CNTN3: variants seen among roughly 807,000 people sequenced by gnomAD.
CNTN3 encodes contactin-3.
A neutral mutation model predicts 119.1 loss-of-function variants in CNTN3; 60 were observed. The ratio of observed to expected loss-of-function variants is 0.50; its 90% CI spans 0.41 to 0.62. The LOEUF (loss-of-function observed/expected upper bound fraction) is 0.62, where lower values mean the gene tolerates loss of function less well. Among genes scored for constraint, CNTN3 ranks in the 20% least tolerant of loss-of-function variants. The pLI is 0.00. For missense variants in CNTN3, 1,101 were observed against 1,242.4 expected, an observed-to-expected ratio of 0.89 and a Z score of 1.71; for synonymous variants, 450 against 438.7, an observed-to-expected ratio of 1.03 and a Z score of -0.32.
rs547702051 is a variant in CNTN3, at chr3:74,570,711, G to C, written c.-81+43680C>G. On this transcript the variant is annotated intron_variant, in intron 1 of 22. Coordinates refer to ENST00000263665, the MANE Select transcript of CNTN3 (RefSeq NM_020872.3). ...CTCTTTAAAAACTAAGGATATGAGA[G>C]TCTTGGTCTCAATTTCTGAGGTCTT... is the stretch of plus-strand genomic sequence containing the variant. Among the ~76,000 whole-genome samples the C allele has an allele frequency of 2.6e-5, 4 of 152,286 alleles. No homozygotes were observed. The Middle Eastern group carries it at 0.01, about 388-fold the overall frequency.
intron 13 of CNTN3, among the ~76,000 whole-genome samples, chr3:74,321,569 A>C (rs1462807130): frequency 6.6e-6 from 1 of 152,078 alleles, no homozygotes; most frequent in Non-Finnish European, 1.5e-5. Flanking sequence ...AAAATGAATA[A>C]ACTTGAAAAC....
At chr3:74,527,543 A>G (rs1160922422) in intron 1 of CNTN3, among the ~76,000 whole-genome samples, 1 of 151,942 alleles carries the variant, frequency 6.6e-6, no homozygotes, top group Non-Finnish European at 1.5e-5. Flanking sequence ...ATGCCAGAAA[A>G]AAATTACAAA....
chr3:74,576,042 T>C (rs1259342471), intron 1 of CNTN3, among the ~76,000 whole-genome samples: 2 of 152,066 alleles, frequency 1.3e-5, no homozygotes, highest in Non-Finnish European at 2.9e-5. Context: ...TGTGGAGTGT[T>C]GGGCCCTAGG....
chr3:74,419,371 T>C lies in CNTN3; in HGVS notation c.454+5474A>G, dbSNP rs975705305. Among the ~76,000 whole-genome samples, 4 of 144,944 alleles carry C rather than the reference T, an allele frequency of 2.8e-5. No individual in the cohort carries two copies. In the Admixed American group the frequency reaches 2.8e-4, roughly 10 times the overall value. On this transcript the variant is annotated intron_variant, in intron 5 of 22. Coordinates refer to ENST00000263665, the MANE Select transcript of CNTN3 (RefSeq NM_020872.3). ...GCTAAGCTACCTGAGCTGACTTCTG[T>C]TTTTCAGTCTATCCATCTTGGGTAA...
intron 20 of CNTN3, among the ~76,000 whole-genome samples, chr3:74,275,695 A>T (rs555261672): frequency 2.0e-5 from 3 of 147,972 alleles, no homozygotes; most frequent in South Asian, 4.2e-4. Flanking sequence ...AGGACCTATA[A>T]AAAAAAAATA....
At chr3:74,470,192 G>A (rs1233290518) in intron 4 of CNTN3, among the ~76,000 whole-genome samples, 1 of 152,048 alleles carries the variant, frequency 6.6e-6, no homozygotes, top group East Asian at 1.9e-4. Flanking sequence ...GGTTTTGGGG[G>A]AAATGGAGAG....
chr3:74,502,242 G>T (rs1703178858), intron 2 of CNTN3, among the ~76,000 whole-genome samples: 3 of 152,142 alleles, frequency 2.0e-5, no homozygotes, highest in Admixed American at 2.0e-4. Context: ...TAAACCAAAA[G>T]AAGAAAGGTT....
At chr3:74,526,218 C>A (rs201539581) in intron 1 of CNTN3, among the ~76,000 whole-genome samples, 4 of 150,356 alleles carry the variant, frequency 2.7e-5, no homozygotes, top group Admixed American at 6.6e-5. Context: ...TAATCTTCAC[C>A]AAAAAAAAAC....
At chr3:74,381,739 C>T (rs1377686578) in intron 5 of CNTN3, among the ~76,000 whole-genome samples, 1 of 152,022 alleles carries the variant, frequency 6.6e-6, no homozygotes, top group Admixed American at 6.6e-5. Context: ...AAAAGTCTTT[C>T]AAAGCCTGAA....
At chr3:74,500,112 C>T (rs908886799) in intron 2 of CNTN3, among the ~76,000 whole-genome samples, 1 of 151,964 alleles carries the variant, frequency 6.6e-6, no homozygotes, top group Non-Finnish European at 1.5e-5. Flanking sequence ...TCTTTCTTGT[C>T]ATAGCCTTTT....
chr3:74,430,481 A>G (rs1247357082), intron 4 of CNTN3, among the ~76,000 whole-genome samples: 4 of 152,172 alleles, frequency 2.6e-5, no homozygotes, highest in African/African-American at 4.8e-5. Context: ...GGTGTTTTAC[A>G]ACTGTAATCC....
chr3:74,478,131 T>C (rs1702692740), intron 4 of CNTN3, among the ~76,000 whole-genome samples: 1 of 151,882 alleles, frequency 6.6e-6, no homozygotes, highest in Non-Finnish European at 1.5e-5. Context: ...AGAAAACAGG[T>C]GTGATGATAT....
At chr3:74,467,022 T>C (rs1702473928) in intron 4 of CNTN3, among the ~76,000 whole-genome samples, 1 of 152,160 alleles carries the variant, frequency 6.6e-6, no homozygotes, top group Admixed American at 6.6e-5. Flanking sequence ...TTCCATTTTT[T>C]AAAACTATAT....
At chr3:74,413,234 G>T (rs1243379837) in intron 5 of CNTN3, among the ~76,000 whole-genome samples, 1 of 152,192 alleles carries the variant, frequency 6.6e-6, no homozygotes, top group African/African-American at 2.4e-5. Flanking sequence ...ATGGAATACA[G>T]ATTCAGCCAA....
intron 1 of CNTN3, among the ~76,000 whole-genome samples, chr3:74,613,126 C>T (rs535209927): frequency 1.4e-4 from 22 of 152,248 alleles, no homozygotes; most frequent in African/African-American, 5.3e-4. Flanking sequence ...ATTACTCCTC[C>T]TTTCAATCTC....
intron 18 of CNTN3, 78 bp downstream of exon 18, chr3:74,297,879 A>C: frequency 9.1e-7 from 1 of 1,098,838 alleles, no homozygotes; most frequent in African/African-American, 1.6e-5. Flanking sequence ...TTGAAGTCAA[A>C]ACGAGACTCC....
chr3:74,501,824 A>T (rs1703172119), intron 2 of CNTN3, among the ~76,000 whole-genome samples: 1 of 151,778 alleles, frequency 6.6e-6, no homozygotes, highest in East Asian at 1.9e-4. Flanking sequence ...CCTTTTTAGG[A>T]AAGAGCAACT....
At chr3:74,365,061 T>C (rs935961494) in intron 9 of CNTN3, among the ~76,000 whole-genome samples, 6 of 152,062 alleles carry the variant, frequency 3.9e-5, no homozygotes, top group African/African-American at 1.4e-4. Flanking sequence ...AGTTTCTAGG[T>C]AGTATGAAAG....
chr3:74,532,114 C>A (rs1703700769), intron 1 of CNTN3, among the ~76,000 whole-genome samples: 1 of 151,874 alleles, frequency 6.6e-6, no homozygotes, highest in African/African-American at 2.4e-5. Context: ...TTATCAAGCC[C>A]AGATTCAGTG....
Sources: gnomAD v4.1 joint callset for allele counts (sites outside exome capture counted in the v4.1 genomes callset) on GRCh38, gnomAD v4.1.1 for gene constraint, MANE v1.5 for transcripts, NCBI Gene and HGNC (gene_info 2026-07-23, HGNC 2026-07-21) for gene names.